Variants in BCLAF3 observed in about 807,000 individuals in gnomAD.
BCLAF3 encodes transient octamer binding factor 1.
BCLAF3 carries 24 observed loss-of-function variants against 51.2 expected under a neutral mutation model. That is an observed-to-expected ratio of 0.47 (90% CI 0.34 to 0.66). The LOEUF (loss-of-function observed/expected upper bound fraction) is 0.66. BCLAF3 is among the 30% of genes least tolerant of loss of function. The pLI is 0.01. For synonymous variants in BCLAF3, 152 were observed against 176.6 expected (o/e 0.86, Z 1.10); for missense variants, 465 against 525.1 (o/e 0.89, Z 1.12).
chrX:19,918,969 A>G (rs1304729253), intron 11 of BCLAF3, among the ~76,000 whole-genome samples: 1 of 110,979 alleles, frequency 9.0e-6, no homozygotes, highest in East Asian at 2.8e-4. Context: ...TCTTCTCCCC[A>G]GAACCTCCCC....
chrX:19,983,082 G>A (rs2072673233), intron 1 of BCLAF3, among the ~76,000 whole-genome samples: 1 of 104,407 alleles, frequency 9.6e-6, no homozygotes, highest in African/African-American at 3.5e-5. Flanking sequence ...AGCCTCCCAA[G>A]TAGCTGGTAC....
rs1327862370 is a variant in BCLAF3 at position 19,974,848 on chromosome X, C to CT, written c.-34-4551dup. Reference sequence around the variant, plus strand: ...AGTGAGCCGAGATCGCACCACTGGACTCCAGCCTAGGTGACAGAGTGAGAC... The same window carrying CT: ...AGTGAGCCGAGATCGCACCACTGGACTTCCAGCCTAGGTGACAGAGTGAGAC... On this transcript the variant is annotated intron_variant, in intron 1 of 11. Transcript: ENST00000379682. Among the ~76,000 whole-genome samples, 3 of 111,205 alleles carry CT rather than the reference C, an allele frequency of 2.7e-5. No homozygotes were observed. In the Admixed American group the frequency reaches 2.9e-4, roughly 11 times the overall value.
chrX:19,955,882 C>T (rs1266425636), intron 4 of BCLAF3, among the ~76,000 whole-genome samples: 1 of 111,327 alleles, frequency 9.0e-6, no homozygotes, highest in Admixed American at 9.6e-5. Flanking sequence ...AAAAAGTAAT[C>T]GATTAGATTA....
At chrX:19,953,186 T>A in intron 6 of BCLAF3, 135 bp from the exon 7 acceptor site, 1 of 473,476 alleles carries the variant, frequency 2.1e-6, no homozygotes, top group Non-Finnish European at 3.5e-6. Context: ...TACCAGATAG[T>A]TTTTCACCTA....
intron 1 of BCLAF3, among the ~76,000 whole-genome samples, chrX:19,987,906 G>C (rs969613228): frequency 7.1e-5 from 8 of 112,077 alleles, no homozygotes; most frequent in African/African-American, 2.3e-4. Flanking sequence ...ATCTGCCCCA[G>C]GTGGAGGACC....
chrX:19,937,322 A>G (rs2070804871), intron 9 of BCLAF3, 96 bp downstream of exon 9: 1 of 525,084 alleles, frequency 1.9e-6, no homozygotes, highest in Admixed American at 2.7e-5. Flanking sequence ...TTAATGAACA[A>G]TTACAAACGT....
intron 1 of BCLAF3, among the ~76,000 whole-genome samples, chrX:19,978,052 C>T (rs886955581): frequency 9.0e-6 from 1 of 111,656 alleles, no homozygotes; most frequent in African/African-American, 3.3e-5. Flanking sequence ...AATATTAATG[C>T]TCATTGACAA....
At chrX:19,936,805 G>C (rs957788325) in intron 9 of BCLAF3, among the ~76,000 whole-genome samples, 2 of 111,192 alleles carry the variant, frequency 1.8e-5, no homozygotes, top group Non-Finnish European at 3.8e-5. Flanking sequence ...TGTTGGTTGG[G>C]GGTGGCAAAG....
rs191789641 is a variant in BCLAF3 at position 19,923,219 on chromosome X, A to G, written c.2107-5885T>C. The G allele has an allele frequency of 3.5e-4, 40 of 113,731 alleles. 1 individual carries two copies. The highest frequency in any genetic ancestry group is 2.6e-3 in the Middle Eastern group (2 of 755). 9.4% of individuals were successfully genotyped at this position (113,731 alleles called of 1,213,427 possible). A position where few individuals can be genotyped will look rare whatever the true frequency, so the allele number is the denominator to read the frequency against. On this transcript the variant is annotated intron_variant, in intron 11 of 11. Transcript: ENST00000379682. The stretch of plus-strand genomic sequence containing the variant: ...ACAGTATGGAGCAAAAAGGTTGAAG[A>G]CCACTGAAATAATTCATATATCCAC...
At chrX:19,970,528 C>T (rs2072222262) in intron 1 of BCLAF3, among the ~76,000 whole-genome samples, 3 of 111,395 alleles carry the variant, frequency 2.7e-5, no homozygotes, top group Non-Finnish European at 1.9e-5. Context: ...CTATTTTAGG[C>T]TTTGCAGGCC....
At chrX:19,937,575 C>A (rs766007043) in intron 8 of BCLAF3, 43 bp from the exon 9 acceptor site, 1 of 684,460 alleles carries the variant, frequency 1.5e-6, no homozygotes, top group Non-Finnish European at 2.2e-6. Context: ...TATTAGTATA[C>A]CTTTTTTTCC....
chrX:19,937,386 T>C (rs764400123), intron 9 of BCLAF3, 32 bp downstream of exon 9: 2 of 813,947 alleles, frequency 2.5e-6, no homozygotes, highest in Non-Finnish European at 3.7e-6. Context: ...GAAGAAATTA[T>C]AAAAATGCAA....
intron 1 of BCLAF3, among the ~76,000 whole-genome samples, chrX:19,987,781 T>A (rs1446099373): frequency 7.1e-5 from 8 of 112,153 alleles, no homozygotes; most frequent in Non-Finnish European, 1.1e-4. Context: ...CAGTTCCTGG[T>A]TTACTAAGTG....
At chrX:19,936,034 A>G in intron 9 of BCLAF3, 136 bp from the exon 10 acceptor site, 1 of 495,855 alleles carries the variant, frequency 2.0e-6, no homozygotes, top group Non-Finnish European at 3.5e-6. Context: ...TTAGCTGTAG[A>G]GCACATACAC....
chrX:19,979,736 TAA>T (rs1337171195), intron 1 of BCLAF3, among the ~76,000 whole-genome samples: 1 of 108,145 alleles, frequency 9.2e-6, no homozygotes, highest in African/African-American at 3.4e-5. Flanking sequence ...AATGAAAGAA[TAA>T]AAGTTAACTG....
At chrX:19,964,349 C>A (rs1307515621) in intron 4 of BCLAF3, among the ~76,000 whole-genome samples, 1 of 111,817 alleles carries the variant, frequency 8.9e-6, no homozygotes, top group African/African-American at 3.3e-5. Context: ...AGAATATAAC[C>A]TACAACAACA....
intron 1 of BCLAF3, among the ~76,000 whole-genome samples, chrX:19,979,767 G>A (rs2072551015): frequency 1.8e-5 from 2 of 110,644 alleles, no homozygotes; most frequent in Non-Finnish European, 3.8e-5. Context: ...AAAAAAAAAT[G>A]AGAGAAAAAG....
intron 8 of BCLAF3, among the ~76,000 whole-genome samples, chrX:19,946,171 T>C (rs1413796796): frequency 2.7e-5 from 3 of 111,684 alleles, no homozygotes; most frequent in South Asian, 3.7e-4. Context: ...GCGCCCACTG[T>C]CTGGCACTCC....
chrX:19,959,580 C>T lies in BCLAF3; in HGVS notation c.1275-4014G>A, dbSNP rs1351922043. On this transcript the variant is annotated intron_variant, in intron 4 of 11. Transcript: ENST00000379682. ...TTGAGCTCAGGAGTTCAAGACCAGC[C>T]TGGGTAACACAGCAAGACCTCATCT... Among the ~76,000 whole-genome samples the T allele has an allele frequency of 3.2e-4, 34 of 107,901 alleles. No individual in the cohort carries two copies. The Admixed American group carries it at 3.3e-3, about 10-fold the overall frequency. 93.7% of individuals were successfully genotyped at this position (107,901 alleles called of 115,157 possible).
Sources: gnomAD v4.1 joint callset for allele counts (sites outside exome capture counted in the v4.1 genomes callset) on GRCh38, gnomAD v4.1.1 for gene constraint, MANE v1.5 for transcripts, NCBI Gene and HGNC (gene_info 2026-07-23, HGNC 2026-07-21) for gene names.